IRF2: variants seen among roughly 807,000 people sequenced by gnomAD.
The protein encoded by IRF2 is interferon regulatory factor 2.
A neutral mutation model predicts 40.6 loss-of-function variants in IRF2; 15 were observed. That is an observed-to-expected ratio of 0.37 (90% CI 0.25 to 0.57). The LOEUF is 0.57. Ranked by LOEUF, IRF2 falls within the 20% of genes least tolerant of loss-of-function variation. IRF2 has a pLI of 0.77. For synonymous variants in IRF2, 151 were observed against 165.5 expected (o/e 0.91, Z 0.67); for missense variants, 317 against 455.7 (o/e 0.70, Z 2.77).
At chr4:184,465,882 G>A (rs1028579519) in intron 1 of IRF2, among the ~76,000 whole-genome samples, 2 of 152,114 alleles carry the variant, frequency 1.3e-5, no homozygotes, top group East Asian at 1.9e-4. Context: ...GGAACAGAGA[G>A]CTTAACATTT....
intron 1 of IRF2, among the ~76,000 whole-genome samples, chr4:184,453,499 C>G (rs1182528446): frequency 6.6e-6 from 1 of 152,246 alleles, no homozygotes; most frequent in Non-Finnish European, 1.5e-5. Flanking sequence ...GTCCTCTGAG[C>G]ACTGCCTTTG....
chr4:184,405,213 CA>C (rs1175198851), intron 6 of IRF2, among the ~76,000 whole-genome samples: 5 of 152,222 alleles, frequency 3.3e-5, no homozygotes, highest in Non-Finnish European at 7.3e-5. Context: ...CACTGCACTC[CA>C]GCCTGGGCAA....
At chr4:184,457,449 G>T (rs373607231) in intron 1 of IRF2, among the ~76,000 whole-genome samples, 2 of 152,292 alleles carry the variant, frequency 1.3e-5, no homozygotes, top group East Asian at 3.9e-4. Context: ...GTTTCTGGGG[G>T]TCTTGCCATT....
In IRF2 at chr4:184,419,535, C is replaced by A; in HGVS notation, c.121G>T (p.Ala41Ser). ...TCCACATCCCACCCATGTCTAGCCGCATGCATCCAGGGGATCTGAAAAATC... is the reference window on the plus strand; with the variant it reads ...TCCACATCCCACCCATGTCTAGCCGAATGCATCCAGGGGATCTGAAAAATC... Reference protein sequence around the residue: ...KKIFQIPWMHAARHGWDVEKD... With the variant: ...KKIFQIPWMHSARHGWDVEKD... The change falls in exon 3 of 9, where the codon GCG becomes TCG. Residue 41 changes from alanine to serine, a missense_variant. Transcript: ENST00000393593. 1 of 1,537,304 alleles carries A rather than the reference C, an allele frequency of 6.5e-7. No homozygotes were observed. The highest frequency in any genetic ancestry group is 9.0e-7 in the Non-Finnish European group (1 of 1,117,018).
chr4:184,403,572 A>G (rs975164247), intron 6 of IRF2, among the ~76,000 whole-genome samples: 2 of 152,230 alleles, frequency 1.3e-5, no homozygotes, highest in African/African-American at 4.8e-5. Context: ...TACAAGACAG[A>G]ACTACATGAC....
chr4:184,428,858 TG>T, intron 2 of IRF2, 119 bp downstream of exon 2: 1 of 829,590 alleles, frequency 1.2e-6, no homozygotes, highest in African/African-American at 1.7e-5. Flanking sequence ...TTGGGTTGGC[TG>T]GTTTTTGTCA....
chr4:184,413,505 A>C lies in IRF2; in HGVS notation c.411+4662T>G, dbSNP rs1369335097. 2.6e-5 allele frequency among the ~76,000 whole-genome samples: 4 copies of C among 152,150 alleles called. No individual in the cohort carries two copies. The highest frequency in any genetic ancestry group is 5.9e-5 in the Non-Finnish European group (4 of 68,024). On this transcript the variant is annotated intron_variant, in intron 5 of 8. Coordinates refer to ENST00000393593, the MANE Select transcript of IRF2 (RefSeq NM_002199.4). The surrounding 1 kb of genome is among the most constrained non-coding windows in gnomAD (Gnocchi z 4.2). ...ACCTCTTCCAACTAGTGAAGGGATC[A>C]CTCCAGTAGCAGCCCTGCCAGGGAG...
intron 1 of IRF2, among the ~76,000 whole-genome samples, chr4:184,435,757 G>A (rs13139310): frequency 0.15 from 23,231 of 152,100 alleles, 2,213 homozygotes; most frequent in Non-Finnish European, 0.22. Flanking sequence ...CTAGGAAAAG[G>A]GGTTCCTGGA....
intron 5 of IRF2, among the ~76,000 whole-genome samples, chr4:184,411,195 T>C (rs189337271): frequency 7.1e-4 from 108 of 152,092 alleles, no homozygotes; most frequent in African/African-American, 2.6e-3. Context: ...GTAGCTGGGA[T>C]TACAGGTGCC....
chr4:184,442,387 T>A (rs963674489), intron 1 of IRF2, among the ~76,000 whole-genome samples: 5 of 152,194 alleles, frequency 3.3e-5, no homozygotes, highest in Admixed American at 2.0e-4. Flanking sequence ...ATCACCTGGA[T>A]GCAGATGAAT....
intron 5 of IRF2, among the ~76,000 whole-genome samples, chr4:184,410,235 C>T (rs1018722737): frequency 5.9e-5 from 9 of 152,204 alleles, no homozygotes; most frequent in Admixed American, 2.6e-4. Flanking sequence ...TAGGGCACTG[C>T]GGACAGTTGT....
chr4:184,473,187 G>A (rs1739581557), intron 1 of IRF2, among the ~76,000 whole-genome samples: 1 of 151,552 alleles, frequency 6.6e-6, no homozygotes, highest in Non-Finnish European at 1.5e-5. Context: ...GCCAGCGGGC[G>A]AATGTCACCC....
chr4:184,454,964 T>G (rs1738859164), intron 1 of IRF2, among the ~76,000 whole-genome samples: 1 of 152,186 alleles, frequency 6.6e-6, no homozygotes. Flanking sequence ...CTGCAGTGAC[T>G]AAGTCAGTGT....
chr4:184,400,499 T>C (rs1363008911), intron 6 of IRF2, among the ~76,000 whole-genome samples: 1 of 152,194 alleles, frequency 6.6e-6, no homozygotes, highest in African/African-American at 2.4e-5. Flanking sequence ...CCTTTGACTA[T>C]TACAAATAAT....
intron 1 of IRF2, among the ~76,000 whole-genome samples, chr4:184,431,505 A>G (rs1462564513): frequency 6.6e-6 from 1 of 152,210 alleles, no homozygotes; most frequent in African/African-American, 2.4e-5. Flanking sequence ...ACCCTGCAAG[A>G]GCTCTGCCCG....
intron 1 of IRF2, among the ~76,000 whole-genome samples, chr4:184,469,213 A>C (rs1466128855): frequency 6.6e-6 from 1 of 152,204 alleles, no homozygotes; most frequent in Non-Finnish European, 1.5e-5. Context: ...AGTGCCTCAG[A>C]AAGCCTAACG....
At chr4:184,390,559 G>A (rs1029897737) in intron 8 of IRF2, 144 bp downstream of exon 8, 4 of 727,968 alleles carry the variant, frequency 5.5e-6, no homozygotes, top group Admixed American at 5.2e-5. Context: ...AAATTCTGGT[G>A]ATGCATATTT....
intron 1 of IRF2, among the ~76,000 whole-genome samples, chr4:184,459,866 G>A (rs974087290): frequency 6.6e-6 from 1 of 152,210 alleles, no homozygotes; most frequent in African/African-American, 2.4e-5. Context: ...AACAAATGTT[G>A]GTAAAAGGTG....
At chr4:184,422,854 G>C (rs183227826) in intron 2 of IRF2, among the ~76,000 whole-genome samples, 1 of 152,330 alleles carries the variant, frequency 6.6e-6, no homozygotes, top group East Asian at 1.9e-4. Flanking sequence ...TTTCCTTTTG[G>C]AGGGATAAAA....
Sources: allele counts gnomAD v4.1 joint callset (sites outside exome capture counted in the v4.1 genomes callset), GRCh38; gene constraint gnomAD v4.1.1; non-coding constraint Gnocchi (gnomAD v3.1); transcripts MANE v1.5; gene names NCBI Gene and HGNC (gene_info 2026-07-23, HGNC 2026-07-21).